Variants in GALNT2 observed in about 807,000 individuals in gnomAD.
GALNT2 encodes the protein UDP-GalNAc:polypeptide N-acetylgalactosaminyltransferase 2.
A neutral mutation model predicts 81.4 loss-of-function variants in GALNT2; 31 were observed. That is an observed-to-expected ratio of 0.38 (90% CI 0.29 to 0.51). The LOEUF is 0.51. Among genes scored for constraint, GALNT2 ranks in the 20% least tolerant of loss-of-function variants. The probability of loss-of-function intolerance (pLI) is 0.87; values close to 1 mark genes in which losing one functional copy is unlikely to be tolerated. For missense variants in GALNT2, 629 were observed against 765.7 expected, an observed-to-expected ratio of 0.82 and a Z score of 2.11; for synonymous variants, 303 against 287.4, an observed-to-expected ratio of 1.05 and a Z score of -0.55.
Position 230,067,376 on chromosome 1 carries a change from C to A in GALNT2, c.96C>A (p.Ala32=). The A allele has an allele frequency of 1.5e-6, 2 of 1,298,100 alleles. No homozygotes were observed. Among genetic ancestry groups the A allele is most frequent in the Non-Finnish European group, 2.0e-6 (2 of 1,016,728 alleles). The allele number at this position is 1,298,100 out of a possible 1,614,324, so 80.4% of individuals were successfully genotyped here. A position where few individuals can be genotyped will look rare whatever the true frequency, so the allele number is the denominator to read the frequency against. ...YMYSGGGSAL[A]GGAGGGAGRK... is the part of the protein sequence containing the mutation. Reference sequence around the variant, plus strand: ...ACTCGGGGGGCGGCTCTGCGCTGGCCGGGGGCGCGGGCGGCGGCGCCGGCA... The same window carrying A: ...ACTCGGGGGGCGGCTCTGCGCTGGCAGGGGGCGCGGGCGGCGGCGCCGGCA... Residue 32 remains alanine, a synonymous_variant, in exon 1 of 16, where the codon GCC becomes GCA. Coordinates refer to ENST00000366672, the MANE Select transcript of GALNT2 (RefSeq NM_004481.5).
chr1:230,156,575 G>A (rs1310754155), intron 1 of GALNT2, among the ~76,000 whole-genome samples: 2 of 151,980 alleles, frequency 1.3e-5, no homozygotes, highest in Admixed American at 6.6e-5. Context: ...TTTTATTATC[G>A]TTTGTCACGG....
intron 1 of GALNT2, among the ~76,000 whole-genome samples, chr1:230,158,105 A>T (rs1253555097): frequency 6.6e-6 from 1 of 152,184 alleles, no homozygotes; most frequent in Non-Finnish European, 1.5e-5. Context: ...AATGGGTAGG[A>T]TGAACTGTGA....
intron 1 of GALNT2, among the ~76,000 whole-genome samples, chr1:230,090,562 T>C (rs965367921): frequency 1.3e-5 from 2 of 152,118 alleles, no homozygotes; most frequent in East Asian, 3.8e-4. Context: ...TGGGGAGGGC[T>C]GGTGCTTCTG....
Position 230,280,265 on chromosome 1 carries a change from G to C in GALNT2, c.*807G>C, listed in dbSNP as rs1339180655. On this transcript the variant is annotated 3_prime_UTR_variant, in exon 16 of 16. Transcript: ENST00000366672. ...TTGGTGCTACTGCTGTGGCCAGCTG[G>C]GGGGCTTCCTCCAGACCACCGGCCT... 3.1e-6 allele frequency: 1 copy of C among 320,854 alleles called. No individual in the cohort carries two copies. Among genetic ancestry groups the C allele is most frequent in the Non-Finnish European group, 6.2e-6 (1 of 161,788 alleles). 19.9% of individuals were successfully genotyped at this position (320,854 alleles called of 1,614,324 possible).
intron 2 of GALNT2, among the ~76,000 whole-genome samples, chr1:230,182,811 C>T (rs1259465156): frequency 6.6e-6 from 1 of 152,176 alleles, no homozygotes; most frequent in East Asian, 1.9e-4. Context: ...AGGATCTGCC[C>T]ATTTTTGACA....
Position 230,275,922 on chromosome 1 carries a change from GATACATACATATATACATGCCACAT to G in GALNT2, c.1560+1362_1560+1386del. Among the ~76,000 whole-genome samples the G allele has an allele frequency of 6.9e-6, 1 of 144,918 alleles. No homozygotes were observed. ...ACCACATATATACATAGACACCACA[GATACATACATATATACATGCCACAT>G]ATATATACGTATATATACATGCCAC... On this transcript the variant is annotated intron_variant, in intron 15 of 15. Transcript: ENST00000366672. This position sits in a 1 kb window ranked among gnomAD's most constrained non-coding sequence, Gnocchi z 5.5.
intron 1 of GALNT2, among the ~76,000 whole-genome samples, chr1:230,126,648 A>G (rs891260005): frequency 6.6e-6 from 1 of 152,178 alleles, no homozygotes; most frequent in Non-Finnish European, 1.5e-5. Flanking sequence ...CTCCTCGGAA[A>G]AGTGTGTGCA....
chr1:230,255,086 C>T (rs1397797740), intron 10 of GALNT2, 132 bp from the exon 11 acceptor site: 24 of 1,312,210 alleles, frequency 1.8e-5, no homozygotes, highest in Middle Eastern at 2.1e-4. Context: ...ATCAGATCTC[C>T]TTCAGCAGCA....
At chr1:230,186,082 C>T (rs118042040) in intron 2 of GALNT2, among the ~76,000 whole-genome samples, 42 of 152,282 alleles carry the variant, frequency 2.8e-4, no homozygotes, top group East Asian at 2.5e-3. Flanking sequence ...ACTGTTAGGA[C>T]GGAATAACGA....
At chr1:230,264,446 A>C (rs943396679) in intron 13 of GALNT2, 1 of 152,266 alleles carries the variant, frequency 6.6e-6, no homozygotes, top group African/African-American at 2.4e-5. Context: ...TTGTAGTGAC[A>C]CTGGGCCCCG....
intron 1 of GALNT2, among the ~76,000 whole-genome samples, chr1:230,059,748 A>G (rs1195634747): frequency 6.6e-6 from 1 of 152,180 alleles, no homozygotes; most frequent in African/African-American, 2.4e-5. Flanking sequence ...TATGTCCTTT[A>G]CCCAGACTCG....
chr1:230,265,411 G>A (rs1666006150), intron 14 of GALNT2, 44 bp downstream of exon 14: 2 of 1,613,004 alleles, frequency 1.2e-6, no homozygotes, highest in African/African-American at 1.3e-5. Flanking sequence ...CCCAGAGAGA[G>A]CAGGAGTTGG....
chr1:230,267,303 T>C (rs557176143), intron 14 of GALNT2, among the ~76,000 whole-genome samples: 17 of 152,368 alleles, frequency 1.1e-4, no homozygotes, highest in African/African-American at 3.8e-4. Context: ...ATCCCTTGCC[T>C]TCCAGAACTC....
Position 230,275,639 on chromosome 1 carries a change from CATAG to C in GALNT2, c.1560+1079_1560+1082del, listed in dbSNP as rs1666278241. 6.6e-6 allele frequency among the ~76,000 whole-genome samples: 1 copy of C among 150,918 alleles called. No homozygotes were observed. Among genetic ancestry groups the C allele is most frequent in the African/African-American group, 2.4e-5 (1 of 41,010 alleles). On this transcript the variant is annotated intron_variant, in intron 15 of 15. Transcript: ENST00000366672. This position sits in a 1 kb window ranked among gnomAD's most constrained non-coding sequence, Gnocchi z 5.5. ...ATAAACACCACATATATATACGCCA[CATAG>C]ATATACAAGCACAACATATATACAT...
chr1:230,250,635 A>C, intron 10 of GALNT2, 75 bp downstream of exon 10: 1 of 1,107,788 alleles, frequency 9.0e-7, no homozygotes, highest in Non-Finnish European at 1.3e-6. Context: ...ATTGGAAAAA[A>C]AATTTAAAAG....
At chr1:230,185,505 C>T (rs1484460936) in intron 2 of GALNT2, among the ~76,000 whole-genome samples, 1 of 152,054 alleles carries the variant, frequency 6.6e-6, no homozygotes, top group Non-Finnish European at 1.5e-5. Flanking sequence ...GGCTGTGAGC[C>T]TCACATTTGC....
intron 1 of GALNT2, among the ~76,000 whole-genome samples, chr1:230,102,316 C>G (rs1998068): frequency 0.4 from 61,106 of 151,886 alleles, 12,263 homozygotes; most frequent in South Asian, 0.53. Context: ...GCCTAATGTA[C>G]AGTTTTTCAT....
chr1:230,137,604 C>T lies in GALNT2; in HGVS notation c.127-40614C>T, dbSNP rs555611422. 1.2e-4 allele frequency among the ~76,000 whole-genome samples: 18 copies of T among 152,376 alleles called. No homozygotes were observed. In the South Asian group the frequency reaches 3.7e-3, roughly 32 times the overall value. ...CAGAAGTTTCATTGCTTTTTACTTA[C>T]ATTCTCCTGATTCCTCCCCAGTGGA... On this transcript the variant is annotated intron_variant, in intron 1 of 15. Coordinates refer to ENST00000366672, the MANE Select transcript of GALNT2 (RefSeq NM_004481.5).
chr1:230,136,730 G>T (rs1404204603), intron 1 of GALNT2, among the ~76,000 whole-genome samples: 1 of 152,238 alleles, frequency 6.6e-6, no homozygotes, highest in African/African-American at 2.4e-5. Flanking sequence ...AACACCGCTT[G>T]TTTGTAGCTT....
Sources: allele counts gnomAD v4.1 joint callset (sites outside exome capture counted in the v4.1 genomes callset), GRCh38; gene constraint gnomAD v4.1.1; non-coding constraint Gnocchi (gnomAD v3.1); transcripts MANE v1.5; gene names NCBI Gene and HGNC (gene_info 2026-07-23, HGNC 2026-07-21).